Variants in LRMDA observed in about 807,000 individuals in gnomAD.
The protein encoded by LRMDA is leucine-rich melanocyte differentiation-associated protein.
In LRMDA, 18 loss-of-function variants were observed where a neutral mutation model predicts 29.8. The observed-to-expected ratio is 0.60, with a 90% CI of 0.42 to 0.90. The LOEUF is 0.90. Among genes scored for constraint, LRMDA ranks in the 40% least tolerant of loss-of-function variants. The pLI is 0.00. For synonymous variants in LRMDA, 125 were observed against 109.4 expected, an observed-to-expected ratio of 1.14 and a Z score of -0.89; for missense variants, 273 against 273.9, an observed-to-expected ratio of 1.00 and a Z score of 0.02.
chr10:76,471,773 T>A lies in LRMDA; in HGVS notation c.602-85436T>A, dbSNP rs139105172. On this transcript the variant is annotated intron_variant, in intron 6 of 6. Coordinates refer to ENST00000611255, the MANE Select transcript of LRMDA (RefSeq NM_001305581.2). ...AACAATAAGAAAATTGGAGTGGCTA[T>A]ACGAATAGCAGAAAAAAATAGACTT... Among the ~76,000 whole-genome samples the A allele has an allele frequency of 2.0e-3, 304 of 151,746 alleles. 1 individual carries two copies. The highest frequency in any genetic ancestry group is 3.5e-3 in the Non-Finnish European group (235 of 67,690).
chr10:76,257,390 A>G (rs988689741), intron 5 of LRMDA, among the ~76,000 whole-genome samples: 5 of 150,114 alleles, frequency 3.3e-5, no homozygotes, highest in Admixed American at 3.3e-4. Flanking sequence ...CTGGAGTGCA[A>G]TGGCATGATC....
intron 2 of LRMDA, among the ~76,000 whole-genome samples, chr10:75,569,107 G>C (rs370782482): frequency 6.6e-6 from 1 of 152,210 alleles, no homozygotes; most frequent in African/African-American, 2.4e-5. Flanking sequence ...CTTCTCTGTG[G>C]GGCCTCTCCT....
intron 5 of LRMDA, among the ~76,000 whole-genome samples, chr10:76,271,127 C>T (rs964570549): frequency 6.6e-6 from 1 of 152,162 alleles, no homozygotes; most frequent in African/African-American, 2.4e-5. Context: ...AGAATTCCTA[C>T]CTTGGCTAGG....
chr10:76,178,610 A>C (rs1239059597), intron 5 of LRMDA, among the ~76,000 whole-genome samples: 1 of 152,162 alleles, frequency 6.6e-6, no homozygotes, highest in Non-Finnish European at 1.5e-5. Flanking sequence ...GAGGAATAGG[A>C]GAAACTTCCC....
chr10:76,266,024 C>A (rs1321173676), intron 5 of LRMDA, among the ~76,000 whole-genome samples: 1 of 152,246 alleles, frequency 6.6e-6, no homozygotes, highest in East Asian at 1.9e-4. Context: ...GGAATCCTGG[C>A]CATCACCCTT....
At chr10:75,575,521 G>C (rs1431591847) in intron 2 of LRMDA, among the ~76,000 whole-genome samples, 1 of 152,212 alleles carries the variant, frequency 6.6e-6, no homozygotes, top group Non-Finnish European at 1.5e-5. Context: ...AAAGAAAGGG[G>C]CTGCAGGCCC....
chr10:76,349,323 G>C (rs1344025072), intron 6 of LRMDA, among the ~76,000 whole-genome samples: 1 of 152,142 alleles, frequency 6.6e-6, no homozygotes, highest in African/African-American at 2.4e-5. Context: ...AATGGGGTTG[G>C]CTGTGTTCCA....
Position 75,506,658 on chromosome 10 carries a change from A to G in LRMDA, c.131+68164A>G, listed in dbSNP as rs571292115. Among the ~76,000 whole-genome samples the G allele has an allele frequency of 2.6e-5, 4 of 152,242 alleles. No individual in the cohort carries two copies. The South Asian group carries it at 8.3e-4, about 32-fold the overall frequency. ...GTGGAGAGACATGGACCATGCTTTA[A>G]AAGTCCCATGTATCCCCTGTAGAGT... On this transcript the variant is annotated intron_variant, in intron 2 of 6. Transcript: ENST00000611255.
At chr10:75,453,489 T>C (rs972308339) in intron 2 of LRMDA, among the ~76,000 whole-genome samples, 1 of 152,236 alleles carries the variant, frequency 6.6e-6, no homozygotes, top group Non-Finnish European at 1.5e-5. Context: ...CATTTAGATG[T>C]ATTCTTTTCA....
At chr10:75,670,362 C>T (rs957601118) in intron 2 of LRMDA, among the ~76,000 whole-genome samples, 1 of 151,354 alleles carries the variant, frequency 6.6e-6, no homozygotes, top group Non-Finnish European at 1.5e-5. Flanking sequence ...GATCTTCTGC[C>T]ACCACCCTCC....
intron 2 of LRMDA, among the ~76,000 whole-genome samples, chr10:75,651,589 G>T (rs1196769151): frequency 1.3e-5 from 2 of 152,160 alleles, no homozygotes; most frequent in Non-Finnish European, 2.9e-5. Context: ...GGCGTACTAG[G>T]AGGAGATTTT....
intron 2 of LRMDA, among the ~76,000 whole-genome samples, chr10:75,841,982 G>A (rs1256387048): frequency 6.6e-6 from 1 of 152,182 alleles, no homozygotes; most frequent in Non-Finnish European, 1.5e-5. Context: ...CTCATCGCTT[G>A]TTTAAAGTTC....
intron 2 of LRMDA, among the ~76,000 whole-genome samples, chr10:75,637,425 A>T (rs1841402378): frequency 6.6e-6 from 1 of 152,164 alleles, no homozygotes; most frequent in South Asian, 2.1e-4. Context: ...AGGCGGAGGA[A>T]GAGGATAAAG....
At chr10:76,540,979 A>C (rs1411948253) in intron 6 of LRMDA, among the ~76,000 whole-genome samples, 1 of 152,230 alleles carries the variant, frequency 6.6e-6, no homozygotes, top group African/African-American at 2.4e-5. Context: ...TGCTGCTATG[A>C]AATGAGTCAT....
intron 2 of LRMDA, among the ~76,000 whole-genome samples, chr10:75,878,146 C>T (rs146546497): frequency 1.4e-4 from 22 of 152,280 alleles, no homozygotes; most frequent in African/African-American, 4.1e-4. Context: ...CTGCAGGTGG[C>T]TTGTGTTAAT....
chr10:75,487,915 TC>T (rs1186170246), intron 2 of LRMDA, among the ~76,000 whole-genome samples: 2 of 152,216 alleles, frequency 1.3e-5, no homozygotes, highest in African/African-American at 2.4e-5. Context: ...TTGAGCTACT[TC>T]TGCTATTTTT....
intron 2 of LRMDA, among the ~76,000 whole-genome samples, chr10:75,793,502 GT>G (rs1483924003): frequency 6.6e-6 from 1 of 152,182 alleles, no homozygotes; most frequent in African/African-American, 2.4e-5. Context: ...TTTAATTGTG[GT>G]AGTCATTAGT....
Position 76,324,525 on chromosome 10 carries a change from G to A in LRMDA, c.601+40G>A, listed in dbSNP as rs777904422. 2.4e-5 allele frequency: 37 copies of A among 1,568,514 alleles called. No individual in the cohort carries two copies. In the East Asian group the frequency reaches 7.6e-4, roughly 32 times the overall value. On this transcript the variant is annotated intron_variant, in intron 6 of 6. Transcript: ENST00000611255. The stretch of plus-strand genomic sequence containing the variant: ...TTTTATTGCTCTCAGTGGGTGCAGG[G>A]AGGGACACTTGGCTGTGCAGAGCTC...
intron 2 of LRMDA, among the ~76,000 whole-genome samples, chr10:75,709,191 A>G (rs1842406172): frequency 6.6e-6 from 1 of 152,070 alleles, no homozygotes; most frequent in South Asian, 2.1e-4. Context: ...TTTTTTTATT[A>G]AAAAAAGGTT....
Sources: allele counts gnomAD v4.1 joint callset (sites outside exome capture counted in the v4.1 genomes callset), GRCh38; gene constraint gnomAD v4.1.1; transcripts MANE v1.5; gene names NCBI Gene and HGNC (gene_info 2026-07-23, HGNC 2026-07-21).